The following ELAVL4 variants were observed in gnomAD, a reference collection of about 807,000 sequenced individuals.
ELAVL4 encodes ELAV like RNA binding protein 4.
In ELAVL4, 1 loss-of-function variant was observed where a neutral mutation model predicts 35.6. That is an observed-to-expected ratio of 0.03 (90% CI 0.01 to 0.13). The LOEUF (loss-of-function observed/expected upper bound fraction) is 0.13, where lower values mean the gene tolerates loss of function less well. Among genes scored for constraint, ELAVL4 ranks in the 10% least tolerant of loss-of-function variants. The probability of loss-of-function intolerance (pLI) is 1.00; values close to 1 mark genes in which losing one functional copy is unlikely to be tolerated. For synonymous variants in ELAVL4, 156 were observed against 171.0 expected (o/e 0.91, Z 0.69); for missense variants, 267 against 464.9 (o/e 0.57, Z 3.91).
rs1644426294 is a variant in ELAVL4 at position 50,202,455 on chromosome 1, T to A, written c.*1277T>A. 1 of 152,202 alleles carries A rather than the reference T, an allele frequency of 6.6e-6. No homozygotes were observed. The highest frequency in any genetic ancestry group is 2.4e-5 in the African/African-American group (1 of 41,468). 9.4% of individuals were successfully genotyped at this position (152,202 alleles called of 1,614,324 possible). On this transcript the variant is annotated 3_prime_UTR_variant, in exon 7 of 7. Transcript: ENST00000371824. ...CATTAAGAAATTTTCAAATTCACTT[T>A]GTAGCCCATGCTGATAGAATTGGGC...
intron 1 of ELAVL4, among the ~76,000 whole-genome samples, chr1:50,142,980 G>A (rs986099018): frequency 1.6e-4 from 24 of 152,186 alleles, no homozygotes; most frequent in African/African-American, 5.5e-4. Context: ...CTCCATACAT[G>A]TGTGAAAAGG....
chr1:50,065,981 C>T (rs1285930374), intron 1 of ELAVL4, among the ~76,000 whole-genome samples: 9 of 152,174 alleles, frequency 5.9e-5, no homozygotes, highest in African/African-American at 1.9e-4. Flanking sequence ...AGAAGTGACA[C>T]GGTGGAATTT....
intron 1 of ELAVL4, 24 bp downstream of exon 1, chr1:50,109,222 C>A: frequency 3.1e-6 from 5 of 1,611,286 alleles, no homozygotes; most frequent in African/African-American, 2.7e-5. Flanking sequence ...GATTTATAAT[C>A]TGTTGTTTGT....
intron 1 of ELAVL4, among the ~76,000 whole-genome samples, chr1:50,058,052 C>T (rs1243939102): frequency 6.6e-6 from 1 of 152,068 alleles, no homozygotes; most frequent in Non-Finnish European, 1.5e-5. Context: ...TTAAAGGAAG[C>T]TTGAGTTATT....
At chr1:50,098,605 G>A (rs1382336130) in intron 1 of ELAVL4, among the ~76,000 whole-genome samples, 8 of 152,294 alleles carry the variant, frequency 5.3e-5, no homozygotes, top group Middle Eastern at 3.4e-3. Context: ...TTTCACAGAG[G>A]TATTTTGAAC....
intron 1 of ELAVL4, among the ~76,000 whole-genome samples, chr1:50,067,357 C>T (rs1442480381): frequency 1.3e-5 from 2 of 152,072 alleles, no homozygotes; most frequent in East Asian, 1.9e-4. Context: ...AGTAGGGAAC[C>T]ATATCATGTA....
At chr1:50,106,316 G>A (rs761255517), upstream of ELAVL4, 1 of 1,613,504 alleles carries the variant, frequency 6.2e-7, no homozygotes, top group South Asian at 1.1e-5. Flanking sequence ...TGTGCATGGT[G>A]GCAAGGGGCT....
At chr1:50,061,393 C>T (rs1663963882) in intron 1 of ELAVL4, among the ~76,000 whole-genome samples, 1 of 152,100 alleles carries the variant, frequency 6.6e-6, no homozygotes, top group Non-Finnish European at 1.5e-5. Flanking sequence ...CCTACCTATC[C>T]CCTGTAGTCA....
In ELAVL4 at chr1:50,195,682, C is replaced by T; in HGVS notation, c.630C>T (p.Ala210=). 2 of 1,614,126 alleles carry T rather than the reference C, an allele frequency of 1.2e-6. No homozygotes were observed. The highest frequency in any genetic ancestry group is 1.1e-5 in the South Asian group (1 of 91,074). The change falls in exon 5 of 7, where the codon GCC becomes GCT. Residue 210 remains alanine, a synonymous_variant. Transcript: ENST00000371824. ...CGGAACCGATTACTGTGAAGTTTGC[C>T]AACAACCCCAGCCAGAAGTCCAGCC... ...GATEPITVKF[A]NNPSQKSSQA... is the part of the protein sequence containing the mutation.
At chr1:50,138,603 G>A (rs536580142) in intron 1 of ELAVL4, among the ~76,000 whole-genome samples, 4 of 152,138 alleles carry the variant, frequency 2.6e-5, no homozygotes, top group East Asian at 1.9e-4. Context: ...GGGATTACAG[G>A]CACAGGCACC....
intron 2 of ELAVL4, among the ~76,000 whole-genome samples, chr1:50,147,816 C>A (rs1016788904): frequency 6.6e-6 from 1 of 152,028 alleles, no homozygotes; most frequent in African/African-American, 2.4e-5. Flanking sequence ...GATAAGAATT[C>A]AAGATTAAGA....
rs1273706119 is a variant in ELAVL4, at chr1:50,202,090, G to T, written c.*912G>T. ...TCGTAGACTGTTTTTTGAAGGATGG[G>T]CTATAAACAGATGATCTTCATATCT... On this transcript the variant is annotated 3_prime_UTR_variant, in exon 7 of 7. Coordinates refer to ENST00000371824, the MANE Select transcript of ELAVL4 (RefSeq NM_001144774.3). The T allele has an allele frequency of 6.6e-6, 1 of 151,976 alleles. No individual in the cohort carries two copies. The allele number at this position is 151,976 out of a possible 1,614,324, so 9.4% of individuals were successfully genotyped here.
chr1:50,148,697 C>T (rs564683429), intron 2 of ELAVL4, among the ~76,000 whole-genome samples: 31 of 152,318 alleles, frequency 2.0e-4, no homozygotes, highest in Non-Finnish European at 3.8e-4. Flanking sequence ...TACCTGCAGC[C>T]TCTGCTGCTG....
upstream of ELAVL4, among the ~76,000 whole-genome samples, chr1:50,102,425 C>A (rs1367784953): frequency 6.6e-6 from 1 of 151,758 alleles, no homozygotes; most frequent in Admixed American, 6.6e-5. Context: ...CCTTTCTCCC[C>A]TCCCCTCCTC....
chr1:50,129,857 A>G (rs536522142), intron 1 of ELAVL4, among the ~76,000 whole-genome samples: 1 of 152,302 alleles, frequency 6.6e-6, no homozygotes, highest in African/African-American at 2.4e-5. Flanking sequence ...TTGGACAAGG[A>G]AAATGAACAT....
intron 1 of ELAVL4, among the ~76,000 whole-genome samples, chr1:50,128,329 T>C (rs1670291208): frequency 6.6e-6 from 1 of 152,112 alleles, no homozygotes; most frequent in Admixed American, 6.6e-5. Flanking sequence ...TACTTTTGCA[T>C]TGATTCTGAA....
intron 1 of ELAVL4, among the ~76,000 whole-genome samples, chr1:50,051,693 A>G (rs962712750): frequency 2.0e-5 from 3 of 152,180 alleles, no homozygotes; most frequent in African/African-American, 7.2e-5. Context: ...GGCATCTATC[A>G]ACTTGTGATT....
upstream of ELAVL4, among the ~76,000 whole-genome samples, chr1:50,104,752 G>C (rs1299714893): frequency 1.3e-5 from 2 of 152,160 alleles, no homozygotes; most frequent in African/African-American, 4.8e-5. Flanking sequence ...CTTAAAATCA[G>C]GCCATATAAC....
At chr1:50,119,200 G>A (rs1668612100) in intron 1 of ELAVL4, among the ~76,000 whole-genome samples, 1 of 152,068 alleles carries the variant, frequency 6.6e-6, no homozygotes, top group African/African-American at 2.4e-5. Flanking sequence ...GATTTTGCAG[G>A]TGTGTGTCTA....
Sources: allele counts gnomAD v4.1 joint callset (sites outside exome capture counted in the v4.1 genomes callset), GRCh38; gene constraint gnomAD v4.1.1; transcripts MANE v1.5; gene names NCBI Gene and HGNC (gene_info 2026-07-23, HGNC 2026-07-21).